The following TUBD1 variants were observed in gnomAD, a reference collection of about 807,000 sequenced individuals.
TUBD1 encodes the protein tubulin delta chain.
A neutral mutation model predicts 51.2 loss-of-function variants in TUBD1; 38 were observed. That is an observed-to-expected ratio of 0.74 (90% CI 0.57 to 0.97). The LOEUF is 0.97. TUBD1 is among the 50% of genes least tolerant of loss of function. The pLI is 0.00. For synonymous variants in TUBD1, 169 were observed against 178.2 expected, an observed-to-expected ratio of 0.95 and a Z score of 0.41; for missense variants, 489 against 538.4, an observed-to-expected ratio of 0.91 and a Z score of 0.91.
intron 7 of TUBD1, among the ~76,000 whole-genome samples, chr17:59,865,084 C>T (rs2144431934): frequency 6.6e-6 from 1 of 151,562 alleles, no homozygotes; most frequent in South Asian, 2.1e-4. Context: ...TTTCGAACTC[C>T]TAGCCTCAAG....
At chr17:59,880,242 A>G (rs900522851) in intron 4 of TUBD1, among the ~76,000 whole-genome samples, 2 of 151,674 alleles carry the variant, frequency 1.3e-5, no homozygotes, top group Non-Finnish European at 2.9e-5. Context: ...TATTTTTAGT[A>G]GAAACGGGGT....
intron 5 of TUBD1, among the ~76,000 whole-genome samples, chr17:59,876,558 T>C (rs917557014): frequency 6.6e-6 from 1 of 151,842 alleles, no homozygotes; most frequent in Non-Finnish European, 1.5e-5. Flanking sequence ...TGTTTCGCCA[T>C]GTTACTTAGG....
rs202179367 is a variant in TUBD1, at chr17:59,878,161, A to G, written c.711T>C (p.Ser237=). 12 of 1,614,180 alleles carry G rather than the reference A, an allele frequency of 7.4e-6. No homozygotes were observed. In the Admixed American group the frequency reaches 1.8e-4, roughly 25 times the overall value. ...CTGCAGAATAAGTAGGCTGGAACAC[A>G]CTTCCCAGCTGATGTGCGAGGACTT... is the stretch of plus-strand genomic sequence containing the variant. ...INQVLAHQLG[S]VFQPTYSAES... is the part of the protein sequence containing the mutation. The change falls in exon 5 of 9, where the codon AGT becomes AGC. Residue 237 remains serine (S), a synonymous_variant. Coordinates refer to ENST00000325752, the MANE Select transcript of TUBD1 (RefSeq NM_016261.4).
At position 59,890,369 on chromosome 17, in the gene TUBD1, G is replaced by A. The variant is rs185559616; in HGVS notation, c.172+462C>T. 8.0e-3 allele frequency among the ~76,000 whole-genome samples: 1,218 copies of A among 152,174 alleles called. 8 individuals carry two copies. Among genetic ancestry groups the A allele is most frequent in the Non-Finnish European group, 9.2e-3 (628 of 68,004 alleles). On this transcript the variant is annotated intron_variant, in intron 2 of 8. Transcript: ENST00000325752. ...AGTGATTCTCCTGCCTCAGCCTCCC[G>A]AGTAGCTGGGATTACAGGCACATGC...
chr17:59,864,334 T>C (rs974625288), intron 7 of TUBD1, among the ~76,000 whole-genome samples: 3 of 150,896 alleles, frequency 2.0e-5, no homozygotes, highest in African/African-American at 7.3e-5. Flanking sequence ...TTTGTAGAGA[T>C]GGGGTTTCAC....
chr17:59,885,647 G>A (rs1253264603), intron 3 of TUBD1: 1 of 702,970 alleles, frequency 1.4e-6, no homozygotes, highest in Non-Finnish European at 2.4e-6. Context: ...ACTCAGTGCT[G>A]TGGTTAAAAA....
intron 5 of TUBD1, among the ~76,000 whole-genome samples, chr17:59,876,951 T>G (rs540169990): frequency 1.3e-5 from 2 of 151,942 alleles, no homozygotes; most frequent in Non-Finnish European, 2.9e-5. Context: ...AACGTCTGCC[T>G]TATGGGTTCA....
intron 8 of TUBD1, among the ~76,000 whole-genome samples, chr17:59,861,500 C>T (rs924750702): frequency 5.3e-5 from 8 of 152,010 alleles, no homozygotes; most frequent in Middle Eastern, 3.4e-3. Flanking sequence ...TGCCTGGCTG[C>T]TCCCTGCAAA....
Position 59,863,675 on chromosome 17 carries a change from C to A in TUBD1, c.1248G>T (p.Met416Ile). The change falls in exon 8 of 9, where the codon ATG becomes ATT. Residue 416 changes from methionine (M) to isoleucine (I), a missense_variant. Coordinates refer to ENST00000325752, the MANE Select transcript of TUBD1 (RefSeq NM_016261.4). ...LDMIVGKAWN[M>I]FASKAYIHQY... ...TATTTTATACTTACTTTGAAGCAAA[C>A]ATATTCCATGCCTTCCCAACAATCA... 1.3e-6 allele frequency: 2 copies of A among 1,544,974 alleles called. No homozygotes were observed. The highest frequency in any genetic ancestry group is 2.4e-5 in the East Asian group (1 of 41,876).
chr17:59,887,091 CAGG>C (rs2040771400), intron 2 of TUBD1, among the ~76,000 whole-genome samples: 4 of 152,142 alleles, frequency 2.6e-5, no homozygotes, highest in Admixed American at 2.6e-4. Context: ...GAGGCTGAGG[CAGG>C]AGAATTGCTT....
At chr17:59,866,949 C>T (rs531914506) in intron 6 of TUBD1, among the ~76,000 whole-genome samples, 200 bp from the exon 7 acceptor site, 6 of 152,170 alleles carry the variant, frequency 3.9e-5, no homozygotes, top group African/African-American at 1.2e-4. Context: ...TGTGCCATCA[C>T]GCCCAGCTAA....
intron 6 of TUBD1, among the ~76,000 whole-genome samples, chr17:59,872,873 TCTC>T (rs1394861559): frequency 4.6e-5 from 7 of 151,798 alleles, no homozygotes; most frequent in Non-Finnish European, 8.8e-5. Flanking sequence ...TTCAAGCAAT[TCTC>T]CTGCCTCAGC....
At chr17:59,886,916 G>T (rs2040762452) in intron 2 of TUBD1, among the ~76,000 whole-genome samples, 1 of 152,030 alleles carries the variant, frequency 6.6e-6, no homozygotes, top group Non-Finnish European at 1.5e-5. Context: ...CAGGTGCGGT[G>T]GCTCACACCT....
intron 3 of TUBD1, among the ~76,000 whole-genome samples, chr17:59,882,124 C>T (rs1443500993): frequency 6.6e-6 from 1 of 150,914 alleles, no homozygotes; most frequent in African/African-American, 2.4e-5. Flanking sequence ...GCTGCCCAGG[C>T]TGGTTGTGAA....
chr17:59,889,107 G>A (rs565982185), intron 2 of TUBD1, among the ~76,000 whole-genome samples: 2 of 130,920 alleles, frequency 1.5e-5, no homozygotes, highest in Non-Finnish European at 3.1e-5. Context: ...CCCCCCTCCC[G>A]GGTTCAAGTG....
chr17:59,873,232 A>AT (rs1283295866), intron 6 of TUBD1, among the ~76,000 whole-genome samples: 1 of 141,604 alleles, frequency 7.1e-6, no homozygotes, highest in Non-Finnish European at 1.5e-5. Context: ...CATACCAGAC[A>AT]TTACTTAAGT....
chr17:59,885,013 A>G (rs2144559505), intron 3 of TUBD1: 1 of 294,104 alleles, frequency 3.4e-6, no homozygotes, highest in Non-Finnish European at 6.6e-6. Context: ...GTGAAGGTGA[A>G]GATGGCAGTG....
intron 6 of TUBD1, among the ~76,000 whole-genome samples, chr17:59,869,591 A>G (rs1017456062): frequency 2.6e-4 from 40 of 152,158 alleles, no homozygotes; most frequent in South Asian, 2.1e-4. Context: ...CATGTCTCAC[A>G]TGACTCTAAG....
At chr17:59,876,868 CTTT>C (rs199804255) in intron 5 of TUBD1, among the ~76,000 whole-genome samples, 1 of 143,340 alleles carries the variant, frequency 7.0e-6, no homozygotes, top group Non-Finnish European at 1.5e-5. Context: ...CTTAACCATT[CTTT>C]TTTTTTTTTT....
Sources: allele counts gnomAD v4.1 joint callset (sites outside exome capture counted in the v4.1 genomes callset), GRCh38; gene constraint gnomAD v4.1.1; transcripts MANE v1.5; gene names NCBI Gene and HGNC (gene_info 2026-07-23, HGNC 2026-07-21).